NOL10: variants seen among roughly 807,000 people sequenced by gnomAD.
NOL10 encodes the protein H_NH0074G24.1.
In NOL10, 58 loss-of-function variants were observed where a neutral mutation model predicts 103.5. The observed-to-expected ratio is 0.56, with a 90% CI of 0.45 to 0.70. NOL10 has a LOEUF of 0.70. Ranked by LOEUF, NOL10 falls within the 30% of genes least tolerant of loss-of-function variation. The probability of loss-of-function intolerance (pLI) is 0.00; values close to 1 mark genes in which losing one functional copy is unlikely to be tolerated. For missense variants in NOL10, 763 were observed against 807.3 expected (o/e 0.95, Z 0.67); for synonymous variants, 287 against 282.5 (o/e 1.02, Z -0.16).
At chr2:10,637,212 AAC>A (rs1486733969) in intron 13 of NOL10, among the ~76,000 whole-genome samples, 5 of 137,158 alleles carry the variant, frequency 3.6e-5, no homozygotes, top group South Asian at 4.5e-4. Context: ...AAAAAAAAAA[AAC>A]ACACACACAC....
intron 13 of NOL10, among the ~76,000 whole-genome samples, chr2:10,644,015 C>T (rs563800729): frequency 1.8e-4 from 28 of 152,160 alleles, no homozygotes; most frequent in African/African-American, 6.5e-4. Context: ...TTTGGGAGGC[C>T]CAGGCAGGAG....
chr2:10,602,570 C>T (rs1676033914), intron 16 of NOL10, among the ~76,000 whole-genome samples: 1 of 152,152 alleles, frequency 6.6e-6, no homozygotes, highest in African/African-American at 2.4e-5. Flanking sequence ...CCGCAGAGGT[C>T]ATAATGCGAA....
chr2:10,639,400 C>T (rs752198822), intron 13 of NOL10, among the ~76,000 whole-genome samples: 2 of 152,106 alleles, frequency 1.3e-5, no homozygotes, highest in African/African-American at 2.4e-5. Flanking sequence ...CCAGCCTGGG[C>T]GACAGAGCGA....
At chr2:10,609,155 CAT>C (rs937011194) in intron 13 of NOL10, among the ~76,000 whole-genome samples, 51 of 152,030 alleles carry the variant, frequency 3.4e-4, no homozygotes, top group African/African-American at 6.3e-4. Context: ...AGCTGAAGCA[CAT>C]GTGTGCACTT....
At chr2:10,646,449 G>C (rs566092820) in intron 12 of NOL10, among the ~76,000 whole-genome samples, 11 of 152,130 alleles carry the variant, frequency 7.2e-5, no homozygotes, top group Non-Finnish European at 1.2e-4. Context: ...AAAAATGGAG[G>C]AGGATCTCAC....
At chr2:10,663,484 T>C (rs947156572) in intron 8 of NOL10, among the ~76,000 whole-genome samples, 4 of 152,122 alleles carry the variant, frequency 2.6e-5, no homozygotes, top group African/African-American at 4.8e-5. Context: ...TTAAAGTATT[T>C]AGGGAAGAAA....
intron 12 of NOL10, among the ~76,000 whole-genome samples, chr2:10,647,153 A>G (rs554194427): frequency 6.6e-6 from 1 of 152,368 alleles, no homozygotes; most frequent in Admixed American, 6.5e-5. Context: ...TCAAAAGAAC[A>G]CATTTCCAAT....
chr2:10,645,494 TAG>T (rs1335798084), intron 12 of NOL10, among the ~76,000 whole-genome samples: 1 of 151,808 alleles, frequency 6.6e-6, no homozygotes, highest in Non-Finnish European at 1.5e-5. Context: ...GCTGAGTGAA[TAG>T]AGTCAATTAC....
intron 19 of NOL10, among the ~76,000 whole-genome samples, chr2:10,583,822 G>A (rs1210839201): frequency 6.6e-6 from 1 of 152,208 alleles, no homozygotes; most frequent in Non-Finnish European, 1.5e-5. Context: ...TCCGCACATT[G>A]TCTTTCTAAA....
chr2:10,618,244 T>TA (rs140578202), intron 13 of NOL10, among the ~76,000 whole-genome samples: 36 of 111,204 alleles, frequency 3.2e-4, no homozygotes, highest in South Asian at 9.8e-4. Flanking sequence ...AGCTGTTTTT[T>TA]TAAAAAAAAA....
intron 13 of NOL10, among the ~76,000 whole-genome samples, chr2:10,632,965 G>C (rs1677940981): frequency 6.6e-6 from 1 of 152,026 alleles, no homozygotes; most frequent in African/African-American, 2.4e-5. Flanking sequence ...CACCGCACTA[G>C]GCCTAAATTA....
chr2:10,650,431 GA>G (rs1323318145), intron 12 of NOL10, among the ~76,000 whole-genome samples: 1 of 151,942 alleles, frequency 6.6e-6, no homozygotes, highest in Admixed American at 6.6e-5. Flanking sequence ...TTATAGGCAT[GA>G]TGGGATTACA....
At chr2:10,649,726 C>T (rs528965718) in intron 12 of NOL10, among the ~76,000 whole-genome samples, 55 of 152,264 alleles carry the variant, frequency 3.6e-4, no homozygotes, top group African/African-American at 1.3e-3. Context: ...CCAGGCAGTA[C>T]ACACTTCAGG....
chr2:10,626,010 T>TG (rs912448452), intron 13 of NOL10, among the ~76,000 whole-genome samples: 1 of 140,384 alleles, frequency 7.1e-6, no homozygotes, highest in African/African-American at 2.8e-5. Flanking sequence ...CCTGTCTCTA[T>TG]GAAAAAAAAA....
At chr2:10,657,052 C>T (rs113090458) in intron 11 of NOL10, among the ~76,000 whole-genome samples, 2,061 of 152,280 alleles carry the variant, frequency 0.014, 58 homozygotes, top group African/African-American at 0.047. Flanking sequence ...GGTGAGGTGG[C>T]TCACGCCTGT....
At chr2:10,679,154 G>A (rs1367444727) in intron 3 of NOL10, among the ~76,000 whole-genome samples, 1 of 152,022 alleles carries the variant, frequency 6.6e-6, no homozygotes, top group Non-Finnish European at 1.5e-5. Context: ...GAGTTTGGGA[G>A]TTCAAGACCA....
At position 10,603,146 on chromosome 2, in the gene NOL10, G is replaced by A; in HGVS notation, c.1165C>T (p.Leu389Phe). Residue 389 changes from leucine to phenylalanine, a missense_variant, in exon 15 of 21, where the codon CTC becomes TTC. Leu to Phe is a conservative substitution (Grantham distance 22, BLOSUM62 0). Transcript: ENST00000381685. ...GCCCGGAGGAAAGGAGATCCAATGA[G>A]GTGGGTGAGCCCTGGGAAAGGTCAA... ...KDLENLGLTH[L>F]IGSPFLRAYM... The A allele has an allele frequency of 6.2e-7, 1 of 1,610,940 alleles. No individual in the cohort carries two copies.
chr2:10,664,342 C>T (rs1267144313), intron 8 of NOL10, among the ~76,000 whole-genome samples: 5 of 151,860 alleles, frequency 3.3e-5, no homozygotes, highest in Admixed American at 2.6e-4. Flanking sequence ...GCAAGAGAAT[C>T]GCTTGAACCT....
At chr2:10,630,255 G>A (rs959822707) in intron 13 of NOL10, among the ~76,000 whole-genome samples, 5 of 152,134 alleles carry the variant, frequency 3.3e-5, no homozygotes, top group African/African-American at 9.7e-5. Context: ...ACTAGTGTTC[G>A]GAGAGAATAA....
Sources: allele counts gnomAD v4.1 joint callset (sites outside exome capture counted in the v4.1 genomes callset), GRCh38; gene constraint gnomAD v4.1.1; transcripts MANE v1.5; gene names NCBI Gene and HGNC (gene_info 2026-07-23, HGNC 2026-07-21).